The following ASPH variants were observed in gnomAD, a reference collection of about 807,000 sequenced individuals.
ASPH encodes aspartyl/asparaginyl beta-hydroxylase.
Under a neutral mutation model 118.4 loss-of-function variants are expected in ASPH, and 100 were observed. The observed-to-expected ratio is 0.84, with a 90% CI of 0.72 to 1.00. ASPH has a LOEUF of 1.00. Ranked by LOEUF, ASPH falls within the 50% of genes least tolerant of loss-of-function variation. ASPH has a pLI of 0.00. For synonymous variants in ASPH, 315 were observed against 325.6 expected, an observed-to-expected ratio of 0.97 and a Z score of 0.35; for missense variants, 920 against 919.5, an observed-to-expected ratio of 1.00 and a Z score of -0.01.
At chr8:61,622,311 C>T (rs911449097) in intron 13 of ASPH, among the ~76,000 whole-genome samples, 3 of 152,202 alleles carry the variant, frequency 2.0e-5, no homozygotes, top group Non-Finnish European at 2.9e-5. Flanking sequence ...GCACTCCAGT[C>T]TGGTGACAGG....
chr8:61,667,180 T>C lies in ASPH; in HGVS notation c.323-13520A>G, dbSNP rs1265215269. Among the ~76,000 whole-genome samples, 3 of 152,164 alleles carry C rather than the reference T, an allele frequency of 2.0e-5. 1 individual carries two copies. Among genetic ancestry groups the C allele is most frequent in the African/African-American group, 7.2e-5 (3 of 41,530 alleles). On this transcript the variant is annotated intron_variant, in intron 3 of 24. Transcript: ENST00000379454. ...CAAACAATATGCCAAGCCCGTGAAA[T>C]GACCACAAGAATATCACAGGCTTAT... is the stretch of plus-strand genomic sequence containing the variant.
chr8:61,679,563 A>G (rs1359943695), intron 3 of ASPH, among the ~76,000 whole-genome samples: 1 of 152,048 alleles, frequency 6.6e-6, no homozygotes, highest in African/African-American at 2.4e-5. Flanking sequence ...AAGCAAAAAC[A>G]AACAAACAAA....
In ASPH at chr8:61,628,448, C is replaced by T. The variant is rs564241745; in HGVS notation, c.934+5235G>A. On this transcript the variant is annotated intron_variant, in intron 13 of 24. Coordinates refer to ENST00000379454, the MANE Select transcript of ASPH (RefSeq NM_004318.4). ...CACCCCAAAGTGCTGACACTACATG[C>T]GTGAACCACTGTGCCCAGCAGATCA... The T allele has an allele frequency of 3.6e-4, 99 of 272,092 alleles. 1 individual carries two copies. Among genetic ancestry groups the T allele is most frequent in the Middle Eastern group, 1.3e-3 (2 of 1,510 alleles). 16.9% of individuals were successfully genotyped at this position (272,092 alleles called of 1,614,324 possible).
At chr8:61,702,948 G>A (rs1040089958) in intron 1 of ASPH, among the ~76,000 whole-genome samples, 5 of 152,050 alleles carry the variant, frequency 3.3e-5, no homozygotes, top group African/African-American at 1.2e-4. Flanking sequence ...CAGGGGGAGA[G>A]GATAGGAGAG....
At chr8:61,586,164 C>T (rs1303071564) in intron 14 of ASPH, among the ~76,000 whole-genome samples, 2 of 152,136 alleles carry the variant, frequency 1.3e-5, no homozygotes, top group Admixed American at 1.3e-4. Flanking sequence ...TATTCTCTAG[C>T]CTCTTGAATT....
intron 3 of ASPH, among the ~76,000 whole-genome samples, chr8:61,666,820 C>T (rs953297559): frequency 2.0e-5 from 3 of 152,048 alleles, no homozygotes; most frequent in East Asian, 1.9e-4. Context: ...TACTTCAATG[C>T]GTTTGGACAG....
chr8:61,559,543 C>T (rs903963795), intron 18 of ASPH, among the ~76,000 whole-genome samples: 1 of 152,116 alleles, frequency 6.6e-6, no homozygotes, highest in African/African-American at 2.4e-5. Context: ...CATTTCTATC[C>T]CCAGTACAAA....
chr8:61,690,793 G>A (rs1832399324), intron 1 of ASPH, among the ~76,000 whole-genome samples: 1 of 151,858 alleles, frequency 6.6e-6, no homozygotes, highest in South Asian at 2.1e-4. Flanking sequence ...AGAATATATT[G>A]CCAATATTTC....
At chr8:61,689,520 AAGTC>A (rs1187674887) in intron 1 of ASPH, among the ~76,000 whole-genome samples, 3 of 152,138 alleles carry the variant, frequency 2.0e-5, no homozygotes, top group Admixed American at 6.5e-5. Flanking sequence ...CTACTATGAA[AAGTC>A]AGTATCTCCA....
At chr8:61,541,088 T>A (rs1036951522) in intron 21 of ASPH, among the ~76,000 whole-genome samples, 2 of 152,162 alleles carry the variant, frequency 1.3e-5, no homozygotes, top group African/African-American at 4.8e-5. Flanking sequence ...GGAAACCCCG[T>A]CTCTACTAAA....
intron 3 of ASPH, among the ~76,000 whole-genome samples, chr8:61,673,234 C>T (rs1442699784): frequency 6.6e-6 from 1 of 152,104 alleles, no homozygotes; most frequent in Non-Finnish European, 1.5e-5. Context: ...TGCAGGATCC[C>T]CAGGGCAGCA....
At chr8:61,668,775 A>T (rs546941432) in intron 3 of ASPH, among the ~76,000 whole-genome samples, 1 of 152,342 alleles carries the variant, frequency 6.6e-6, no homozygotes, top group East Asian at 1.9e-4. Context: ...AAATTATACA[A>T]GCAAGTAAGA....
At chr8:61,619,163 G>A in intron 13 of ASPH, 144 bp from the exon 14 acceptor site, 1 of 565,698 alleles carries the variant, frequency 1.8e-6, no homozygotes, top group Non-Finnish European at 3.0e-6. Context: ...CCTAAATCCT[G>A]AATTCATTAC....
intron 5 of ASPH, among the ~76,000 whole-genome samples, chr8:61,649,749 C>A (rs1006205472): frequency 2.6e-5 from 4 of 151,758 alleles, no homozygotes; most frequent in African/African-American, 7.3e-5. Flanking sequence ...ATCACTGTTA[C>A]CTGCACAACC....
chr8:61,514,477 GC>G (rs1563653238), intron 24 of ASPH, among the ~76,000 whole-genome samples: 1 of 152,050 alleles, frequency 6.6e-6, no homozygotes, highest in African/African-American at 2.4e-5. Flanking sequence ...ATTTTGGGAG[GC>G]CCAGGCAGAT....
intron 3 of ASPH, chr8:61,675,503 T>A: frequency 9.2e-6 from 9 of 982,336 alleles, no homozygotes; most frequent in Non-Finnish European, 9.7e-6. Flanking sequence ...AAAAGCACCA[T>A]TAACACAGAA....
intron 1 of ASPH, among the ~76,000 whole-genome samples, chr8:61,693,625 T>G (rs933799003): frequency 6.6e-6 from 1 of 151,664 alleles, no homozygotes; most frequent in Non-Finnish European, 1.5e-5. Context: ...CACCTCCACA[T>G]GCAAGGGTTT....
chr8:61,554,563 G>T (rs1229399577), intron 19 of ASPH, among the ~76,000 whole-genome samples: 1 of 152,164 alleles, frequency 6.6e-6, no homozygotes, highest in East Asian at 1.9e-4. Context: ...AAAATAAAAT[G>T]AAAAATTCAC....
chr8:61,713,936 C>T (rs1838709559), intron 1 of ASPH, among the ~76,000 whole-genome samples: 1 of 152,216 alleles, frequency 6.6e-6, no homozygotes, highest in African/African-American at 2.4e-5. Flanking sequence ...ATAAATTGTT[C>T]TCTTACTCCC....
Sources: gnomAD v4.1 joint callset for allele counts (sites outside exome capture counted in the v4.1 genomes callset) on GRCh38, gnomAD v4.1.1 for gene constraint, MANE v1.5 for transcripts, NCBI Gene and HGNC (gene_info 2026-07-23, HGNC 2026-07-21) for gene names.